Variants in SLC24A2 observed in about 807,000 individuals in gnomAD.
The protein encoded by SLC24A2 is solute carrier family 24 member 2, also known as sodium/potassium/calcium exchanger 2.
A neutral mutation model predicts 62.0 loss-of-function variants in SLC24A2; 36 were observed. The ratio of observed to expected loss-of-function variants is 0.58; its 90% CI spans 0.44 to 0.77. The LOEUF (loss-of-function observed/expected upper bound fraction) is 0.77. Among genes scored for constraint, SLC24A2 ranks in the 30% least tolerant of loss-of-function variants. The probability of loss-of-function intolerance (pLI) is 0.00; values close to 1 mark genes in which losing one functional copy is unlikely to be tolerated. For synonymous variants in SLC24A2, 358 were observed against 294.0 expected (o/e 1.22, Z -2.23); for missense variants, 846 against 817.9 (o/e 1.03, Z -0.42).
the SLC24A2 span, among the ~76,000 whole-genome samples, chr9:19,819,134 T>C: frequency 2.0e-5 from 3 of 152,064 alleles, no homozygotes; most frequent in Non-Finnish European, 4.4e-5. Flanking sequence ...GCTGGGATAA[T>C]TGGCTAGCCA....
chr9:19,514,664 C>CT lies in SLC24A2; in HGVS notation c.*1488dup, dbSNP rs1832857428. ...GAAATCAAATTGTTGGAGTGAATAG[C>CT]TTGAAACCAGTATAAGGAAGCTGTC... On this transcript the variant is annotated 3_prime_UTR_variant, in exon 11 of 11. Coordinates refer to ENST00000341998, the MANE Select transcript of SLC24A2 (RefSeq NM_020344.4). 6.6e-6 allele frequency: 1 copy of CT among 152,128 alleles called. No homozygotes were observed. Among genetic ancestry groups the CT allele is most frequent in the Admixed American group, 6.5e-5 (1 of 15,276 alleles). The allele number at this position is 152,128 out of a possible 1,614,324, so 9.4% of individuals were successfully genotyped here. A position where few individuals can be genotyped will look rare whatever the true frequency, so the allele number is the denominator to read the frequency against.
chr9:20,002,810 G>A, the SLC24A2 span, among the ~76,000 whole-genome samples: 2 of 152,226 alleles, frequency 1.3e-5, no homozygotes, highest in Non-Finnish European at 2.9e-5. Context: ...GGTGGTTTCA[G>A]GAGGGGACAA....
the SLC24A2 span, among the ~76,000 whole-genome samples, chr9:20,181,725 G>T: frequency 6.6e-6 from 1 of 152,148 alleles, no homozygotes; most frequent in Non-Finnish European, 1.5e-5. Context: ...ATAGGCATGG[G>T]CAAAGACTTC....
At chr9:20,108,897 A>AATAT in the SLC24A2 span, among the ~76,000 whole-genome samples, 16,942 of 152,122 alleles carry the variant, frequency 0.11, 998 homozygotes, top group Middle Eastern at 0.17. Context: ...TAATTTTTAA[A>AATAT]ATAGTCATGT....
chr9:19,541,787 G>A (rs377456573), intron 8 of SLC24A2, among the ~76,000 whole-genome samples: 3 of 148,742 alleles, frequency 2.0e-5, no homozygotes, highest in South Asian at 4.3e-4. Context: ...GGGCAATGGC[G>A]GGCGCCCCTC....
At chr9:20,146,030 A>C in the SLC24A2 span, among the ~76,000 whole-genome samples, 5 of 152,118 alleles carry the variant, frequency 3.3e-5, no homozygotes, top group Non-Finnish European at 7.3e-5. Flanking sequence ...TTATTTACCC[A>C]ATCCCCCAAC....
the SLC24A2 span, among the ~76,000 whole-genome samples, chr9:19,808,817 C>G: frequency 6.6e-6 from 1 of 152,174 alleles, no homozygotes; most frequent in Non-Finnish European, 1.5e-5. This position sits in a 1 kb window ranked among gnomAD's most constrained non-coding sequence, Gnocchi z 4.1. Context: ...ATTCTGTTTG[C>G]TTATTATGAC....
chr9:20,304,235 C>A, the SLC24A2 span, among the ~76,000 whole-genome samples: 1 of 152,140 alleles, frequency 6.6e-6, no homozygotes, highest in Admixed American at 6.5e-5. Flanking sequence ...GCTGGATGCT[C>A]TGTCCCTCAC....
chr9:19,783,379 A>G (rs1823070698), intron 2 of SLC24A2, among the ~76,000 whole-genome samples: 1 of 152,182 alleles, frequency 6.6e-6, no homozygotes, highest in Admixed American at 6.5e-5. Flanking sequence ...CTTGTACAGC[A>G]CATTCCTCTC....
At chr9:19,799,115 T>G in the SLC24A2 span, among the ~76,000 whole-genome samples, 1 of 152,164 alleles carries the variant, frequency 6.6e-6, no homozygotes, top group Non-Finnish European at 1.5e-5. Flanking sequence ...GGTAGTTTTA[T>G]TTCTACTGTT....
chr9:19,892,245 G>A, the SLC24A2 span, among the ~76,000 whole-genome samples: 14 of 152,058 alleles, frequency 9.2e-5, 1 homozygote, highest in Admixed American at 5.9e-4. Flanking sequence ...TACCTTCCCT[G>A]ACCATCCCAT....
At chr9:20,304,273 A>C in the SLC24A2 span, among the ~76,000 whole-genome samples, 9 of 151,930 alleles carry the variant, frequency 5.9e-5, no homozygotes, top group African/African-American at 1.9e-4. Context: ...CCCCCTTCCT[A>C]AACTCTCATC....
At chr9:20,125,361 A>C in the SLC24A2 span, among the ~76,000 whole-genome samples, 1 of 152,214 alleles carries the variant, frequency 6.6e-6, no homozygotes, top group African/African-American at 2.4e-5. Flanking sequence ...GGAAATTGCA[A>C]AACTAGAATT....
chr9:19,962,638 G>T, the SLC24A2 span, among the ~76,000 whole-genome samples: 3 of 152,186 alleles, frequency 2.0e-5, no homozygotes, highest in Admixed American at 2.0e-4. Flanking sequence ...GTGAATGGGA[G>T]TTCACTCATG....
the SLC24A2 span, among the ~76,000 whole-genome samples, chr9:20,288,194 G>A: frequency 1.3e-5 from 2 of 152,164 alleles, no homozygotes; most frequent in Non-Finnish European, 2.9e-5. Flanking sequence ...CAGGGGCAGG[G>A]GAGTATACAT....
At chr9:19,739,666 T>C (rs2118758743) in intron 2 of SLC24A2, among the ~76,000 whole-genome samples, 1 of 152,312 alleles carries the variant, frequency 6.6e-6, no homozygotes, top group East Asian at 1.9e-4. Flanking sequence ...AGGTCAATTG[T>C]AGGTGGATTA....
the SLC24A2 span, among the ~76,000 whole-genome samples, chr9:20,091,626 A>T: frequency 6.6e-6 from 1 of 152,228 alleles, no homozygotes; most frequent in Non-Finnish European, 1.5e-5. Context: ...GTGAAGGAGA[A>T]ATAAGATCCT....
the SLC24A2 span, among the ~76,000 whole-genome samples, chr9:20,097,805 C>G: frequency 2.4e-5 from 3 of 124,598 alleles, no homozygotes; most frequent in East Asian, 2.7e-4. Flanking sequence ...TGCAGTGGCG[C>G]GATCTCGACT....
At chr9:19,829,226 C>T in the SLC24A2 span, among the ~76,000 whole-genome samples, 1 of 152,160 alleles carries the variant, frequency 6.6e-6, no homozygotes, top group South Asian at 2.1e-4. Flanking sequence ...CCCTCTCTTT[C>T]AAGACTCTTT....
Sources: allele counts gnomAD v4.1 joint callset (sites outside exome capture counted in the v4.1 genomes callset), GRCh38; gene constraint gnomAD v4.1.1; non-coding constraint Gnocchi (gnomAD v3.1); transcripts MANE v1.5; gene names NCBI Gene and HGNC (gene_info 2026-07-23, HGNC 2026-07-21).